The following DIP2C variants were observed in gnomAD, a reference collection of about 807,000 sequenced individuals.
The protein encoded by DIP2C is DIP2 acetate--CoA ligase C (putative).
In DIP2C, 33 loss-of-function variants were observed where a neutral mutation model predicts 192.4. The observed-to-expected ratio is 0.17, with a 90% CI of 0.13 to 0.23. The LOEUF is 0.23. Ranked by LOEUF, DIP2C falls within the 10% of genes least tolerant of loss-of-function variation. The probability of loss-of-function intolerance (pLI) is 1.00; values close to 1 mark genes in which losing one functional copy is unlikely to be tolerated. For missense variants in DIP2C, 1,537 were observed against 2,110.1 expected, an observed-to-expected ratio of 0.73 and a Z score of 5.32; for synonymous variants, 979 against 864.1, an observed-to-expected ratio of 1.13 and a Z score of -2.33.
At chr10:669,211 G>GA (rs1564327310) in intron 1 of DIP2C, 1 of 152,128 alleles carries the variant, frequency 6.6e-6, no homozygotes. Context: ...TTGCTCCAAA[G>GA]AAAAAGTTCT....
At chr10:605,520 C>T (rs567940744) in intron 1 of DIP2C, among the ~76,000 whole-genome samples, 1 of 152,216 alleles carries the variant, frequency 6.6e-6, no homozygotes, top group Admixed American at 6.5e-5. Flanking sequence ...CAAGACTGTG[C>T]TGGAGAAAGC....
intron 1 of DIP2C, among the ~76,000 whole-genome samples, chr10:633,537 T>A (rs1588643968): frequency 6.6e-6 from 1 of 152,198 alleles, no homozygotes; most frequent in Non-Finnish European, 1.5e-5. Context: ...TGCTCACGCA[T>A]TCCTCTCTCG....
At chr10:423,082 A>T (rs752003194) in intron 4 of DIP2C, 49 bp from the exon 5 acceptor site, 4 of 1,512,202 alleles carry the variant, frequency 2.6e-6, no homozygotes, top group South Asian at 2.6e-5. Context: ...AAAAACGTGC[A>T]CCACAATCTC....
intron 1 of DIP2C, among the ~76,000 whole-genome samples, chr10:529,113 C>T: frequency 6.6e-6 from 1 of 152,192 alleles, no homozygotes; most frequent in Non-Finnish European, 1.5e-5. Flanking sequence ...GGGGCAGATC[C>T]GTTCAATCCC....
At chr10:667,276 G>C (rs376035459) in intron 1 of DIP2C, 6 of 152,446 alleles carry the variant, frequency 3.9e-5, no homozygotes, top group African/African-American at 1.4e-4. Context: ...GGATGACGAC[G>C]AGAGAGAGAC....
chr10:424,354 GGTT>G lies in DIP2C; in HGVS notation c.395-1324_395-1322del, dbSNP rs1455494124. 4.8e-4 allele frequency among the ~76,000 whole-genome samples: 58 copies of G among 121,048 alleles called. No individual in the cohort carries two copies. The East Asian group carries it at 9.3e-3, about 20-fold the overall frequency. 79.4% of individuals were successfully genotyped at this position (121,048 alleles called of 152,430 possible). A position where few individuals can be genotyped will look rare whatever the true frequency, so the allele number is the denominator to read the frequency against. On this transcript the variant is annotated intron_variant, in intron 4 of 36. Transcript: ENST00000280886. Reference sequence around the variant, plus strand: ...AGCCTGAAAATTCTCTATCACCTTGGGTTTTTTTTTTTTTTTTTTTTTTTTTTT... The same window carrying G: ...AGCCTGAAAATTCTCTATCACCTTGGTTTTTTTTTTTTTTTTTTTTTTTTT...
chr10:583,969 A>T (rs922771808), intron 1 of DIP2C, among the ~76,000 whole-genome samples: 2 of 152,142 alleles, frequency 1.3e-5, no homozygotes, highest in African/African-American at 4.8e-5. Flanking sequence ...TGAAAGAGAG[A>T]GGCGCGGGGG....
At position 495,168 on chromosome 10, in the gene DIP2C, TAAA is replaced by T. The variant is rs530505143; in HGVS notation, c.86-8641_86-8639del. On this transcript the variant is annotated intron_variant, in intron 1 of 36. Transcript: ENST00000280886. ...ATGATCTCACTTACATGTGGCATCTTAAAAAAGTAGAATTTGTAGAAACAGAGT... is the reference window on the plus strand; with the variant it reads ...ATGATCTCACTTACATGTGGCATCTTAAAGTAGAATTTGTAGAAACAGAGT... Among the ~76,000 whole-genome samples, 211 of 152,282 alleles carry T rather than the reference TAAA, an allele frequency of 1.4e-3. 1 individual carries two copies. The highest frequency in any genetic ancestry group is 4.7e-3 in the African/African-American group (195 of 41,550).
chr10:372,295 G>C (rs1407212250), intron 17 of DIP2C, among the ~76,000 whole-genome samples: 1 of 152,112 alleles, frequency 6.6e-6, no homozygotes, highest in African/African-American at 2.4e-5. Context: ...GGCTGGCCTC[G>C]AACTCCTGAC....
At chr10:638,706 A>G (rs1854969231) in intron 1 of DIP2C, among the ~76,000 whole-genome samples, 1 of 152,162 alleles carries the variant, frequency 6.6e-6, no homozygotes, top group South Asian at 2.1e-4. Context: ...CTTAATGCAG[A>G]GAAATTCCTG....
chr10:619,465 C>T (rs1037357208), intron 1 of DIP2C, among the ~76,000 whole-genome samples: 12 of 151,038 alleles, frequency 7.9e-5, no homozygotes, highest in Non-Finnish European at 1.3e-4. Context: ...GCAGCCCTGG[C>T]GGCTCCTCAA....
At chr10:503,358 CAG>C (rs1845384668) in intron 1 of DIP2C, among the ~76,000 whole-genome samples, 1 of 152,334 alleles carries the variant, frequency 6.6e-6, no homozygotes, top group East Asian at 1.9e-4. Flanking sequence ...AAAGATCGAA[CAG>C]ACACTTCAAT....
chr10:480,608 C>T (rs984051931), intron 2 of DIP2C, among the ~76,000 whole-genome samples: 2 of 152,258 alleles, frequency 1.3e-5, no homozygotes, highest in African/African-American at 4.8e-5. Context: ...GTGAGCAGTT[C>T]CAAAGTGGGT....
At chr10:358,958 A>T (rs908598557) in intron 22 of DIP2C, among the ~76,000 whole-genome samples, 3 of 152,048 alleles carry the variant, frequency 2.0e-5, no homozygotes, top group African/African-American at 7.2e-5. Flanking sequence ...GAAGGCTACT[A>T]TTAAATCAAA....
chr10:433,940 A>T, intron 4 of DIP2C, among the ~76,000 whole-genome samples: 1 of 147,486 alleles, frequency 6.8e-6, no homozygotes, highest in African/African-American at 2.5e-5. Flanking sequence ...AGCATTTTCT[A>T]TTTTCTTTCC....
At chr10:417,671 CT>C in intron 6 of DIP2C, among the ~76,000 whole-genome samples, 1 of 8,090 alleles carries the variant, frequency 1.2e-4, no homozygotes, top group East Asian at 5.7e-3. Flanking sequence ...CCTGTCAGGG[CT>C]CGGATAGGCC....
intron 6 of DIP2C, among the ~76,000 whole-genome samples, chr10:417,655 CCTGTTCCTGTCAGGGCTCGGAT>C (rs1197880507): frequency 1.5e-4 from 2 of 13,004 alleles, no homozygotes; most frequent in Admixed American, 9.8e-4. Context: ...TCCCTGTCCA[CCTGTTCCTGTCAGGGCTCGGAT>C]AGGCCTCCCT....
At chr10:557,702 G>A (rs1189233796) in intron 1 of DIP2C, among the ~76,000 whole-genome samples, 2 of 51,506 alleles carry the variant, frequency 3.9e-5, no homozygotes, top group Non-Finnish European at 7.6e-5. Flanking sequence ...GGGTGGGGGC[G>A]GGGGAGGGGA....
intron 31 of DIP2C, among the ~76,000 whole-genome samples, chr10:317,115 G>A (rs568372955): frequency 2.6e-5 from 4 of 152,290 alleles, no homozygotes; most frequent in Non-Finnish European, 5.9e-5. Context: ...CATTGAGCTT[G>A]TTTCTATGGT....
Sources: allele counts gnomAD v4.1 joint callset (sites outside exome capture counted in the v4.1 genomes callset), GRCh38; gene constraint gnomAD v4.1.1; transcripts MANE v1.5; gene names NCBI Gene and HGNC (gene_info 2026-07-23, HGNC 2026-07-21).